The following PGM1 variants were observed in gnomAD, a reference collection of about 807,000 sequenced individuals.
PGM1 encodes phosphoglucomutase 1.
PGM1 carries 52 observed loss-of-function variants against 55.6 expected under a neutral mutation model. The observed-to-expected ratio is 0.94, with a 90% CI of 0.75 to 1.18. PGM1 has a LOEUF of 1.18. PGM1 is among the 50% of genes most tolerant of loss of function. PGM1 has a pLI of 0.00. For missense variants in PGM1, 724 were observed against 729.3 expected, an observed-to-expected ratio of 0.99 and a Z score of 0.08; for synonymous variants, 287 against 271.7, an observed-to-expected ratio of 1.06 and a Z score of -0.55.
Position 63,593,610 on chromosome 1 carries a change from A to G in PGM1, c.122A>G (p.Gln41Arg), listed in dbSNP as rs1300651770. 10 of 1,613,282 alleles carry G rather than the reference A, an allele frequency of 6.2e-6. No homozygotes were observed. The highest frequency in any genetic ancestry group is 2.2e-5 in the East Asian group (1 of 44,868). The change falls in exon 1 of 11, where the codon CAG becomes CGG. Residue 41 changes from glutamine to arginine, a missense_variant. Coordinates refer to ENST00000371084, the MANE Select transcript of PGM1 (RefSeq NM_002633.3). ...GCCAACTACGCGGAGAACTTCATCC[A>G]GAGTATCATCTCCACCGTGGAGCCG... is the stretch of plus-strand genomic sequence containing the variant. ...SSANYAENFIQSIISTVEPAQ... is the reference protein window; with the variant it reads ...SSANYAENFIRSIISTVEPAQ...
chr1:63,641,613 CA>C (rs770436089), intron 7 of PGM1, among the ~76,000 whole-genome samples: 16 of 152,158 alleles, frequency 1.1e-4, no homozygotes, highest in African/African-American at 1.7e-4. Flanking sequence ...GACAATTTCT[CA>C]AAAACGTTTC....
At chr1:63,627,912 G>C (rs775833175) in intron 1 of PGM1, among the ~76,000 whole-genome samples, 2 of 152,104 alleles carry the variant, frequency 1.3e-5, no homozygotes, top group African/African-American at 4.8e-5. Flanking sequence ...GAGTCAGGAC[G>C]TTTCAATACT....
Position 63,593,633 on chromosome 1 carries a change from C to T in PGM1, c.145C>T (p.Pro49Ser), listed in dbSNP as rs1275655261. 1 of 1,612,032 alleles carries T rather than the reference C, an allele frequency of 6.2e-7. No individual in the cohort carries two copies. The change falls in exon 1 of 11, where the codon CCG (proline) becomes TCG (serine). Residue 49 changes from proline (P) to serine (S), a missense_variant. Around this residue, in one of 3 missense-constraint regions of PGM1, gnomAD observed 379 missense variants for 357.5 expected, o/e 1.06. Coordinates refer to ENST00000371084, the MANE Select transcript of PGM1 (RefSeq NM_002633.3). ...CCAGAGTATCATCTCCACCGTGGAG[C>T]CGGCGCAGCGGCAGGAGGCCACGCT... The part of the protein sequence containing the change: ...FIQSIISTVE[P>S]AQRQEATLVV...
chr1:63,654,967 C>CTT (rs58711467), intron 10 of PGM1, among the ~76,000 whole-genome samples: 1,776 of 131,570 alleles, frequency 0.013, 53 homozygotes, highest in African/African-American at 0.048. Flanking sequence ...ATGAATCTCT[C>CTT]TTTTTTTTTT....
rs1004325271 is a variant in PGM1 at position 63,594,273 on chromosome 1, C to T, written c.246+539C>T. 7.6e-5 allele frequency: 24 copies of T among 314,124 alleles called. 2 individuals carry two copies. In the Admixed American group the frequency reaches 1.4e-3, roughly 19 times the overall value. 19.5% of individuals were successfully genotyped at this position (314,124 alleles called of 1,614,324 possible). A position where few individuals can be genotyped will look rare whatever the true frequency, so the allele number is the denominator to read the frequency against. On this transcript the variant is annotated intron_variant, in intron 1 of 10. Coordinates refer to ENST00000371084, the MANE Select transcript of PGM1 (RefSeq NM_002633.3). ...GTGGGGCAAGGGTGGCGAGAGCACC[C>T]ATCCCCCTGGGGCGTCAGGTTGGCA... is the stretch of plus-strand genomic sequence containing the variant.
chr1:63,621,949 C>G (rs1648888551), intron 1 of PGM1, among the ~76,000 whole-genome samples: 1 of 152,090 alleles, frequency 6.6e-6, no homozygotes, highest in Admixed American at 6.5e-5. Flanking sequence ...CAGTGCCTGT[C>G]TACTTTCGGA....
chr1:63,614,739 C>G (rs1648663967), intron 1 of PGM1, among the ~76,000 whole-genome samples: 1 of 152,148 alleles, frequency 6.6e-6, no homozygotes, highest in South Asian at 2.1e-4. Context: ...TGACCTCGGA[C>G]AGATGACATA....
chr1:63,651,078 A>G (rs1039052985), intron 8 of PGM1, among the ~76,000 whole-genome samples: 2 of 147,936 alleles, frequency 1.4e-5, no homozygotes, highest in African/African-American at 2.5e-5. Context: ...AAATTAATGA[A>G]AAAAAAAAAG....
intron 7 of PGM1, among the ~76,000 whole-genome samples, chr1:63,648,297 A>G (rs891846907): frequency 6.6e-6 from 1 of 152,144 alleles, no homozygotes; most frequent in Non-Finnish European, 1.5e-5. Context: ...TGAAGGGGGA[A>G]GTGCTATATA....
At chr1:63,630,166 G>A in intron 3 of PGM1, 78 bp downstream of exon 3, 4 of 1,368,360 alleles carry the variant, frequency 2.9e-6, no homozygotes, top group Non-Finnish European at 4.2e-6. Flanking sequence ...TTTAGTAGAG[G>A]GTCTTCAGCT....
At chr1:63,631,129 T>C (rs1649181488) in intron 3 of PGM1, among the ~76,000 whole-genome samples, 1 of 152,224 alleles carries the variant, frequency 6.6e-6, no homozygotes, top group Non-Finnish European at 1.5e-5. Flanking sequence ...ATAAGTTTTA[T>C]TTTTGTTTTA....
chr1:63,630,200 C>G (rs1649157964), intron 3 of PGM1, 112 bp downstream of exon 3: 4 of 1,089,596 alleles, frequency 3.7e-6, no homozygotes, highest in Non-Finnish European at 5.7e-6. Flanking sequence ...CGTGAGTGCT[C>G]TGTAAGCTTT....
intron 8 of PGM1, 102 bp downstream of exon 8, chr1:63,648,754 C>G (rs1338738820): frequency 4.0e-6 from 5 of 1,264,764 alleles, no homozygotes; most frequent in Middle Eastern, 5.2e-4. Context: ...TAATAAAACC[C>G]TAGGTCATCC....
chr1:63,646,309 T>C (rs1450109881), intron 7 of PGM1, among the ~76,000 whole-genome samples: 1 of 152,178 alleles, frequency 6.6e-6, no homozygotes, highest in Non-Finnish European at 1.5e-5. Flanking sequence ...AGGCTCCATG[T>C]AGACTGCTTT....
At chr1:63,625,842 G>A (rs566719337) in intron 1 of PGM1, among the ~76,000 whole-genome samples, 9 of 151,956 alleles carry the variant, frequency 5.9e-5, no homozygotes, top group South Asian at 2.1e-4. Flanking sequence ...AGATATTGAC[G>A]GGCCCCTTTT....
intron 1 of PGM1, among the ~76,000 whole-genome samples, chr1:63,595,761 A>G (rs1648046993): frequency 6.6e-6 from 1 of 152,346 alleles, no homozygotes; most frequent in Admixed American, 6.5e-5. Flanking sequence ...AGGAGCTTAC[A>G]GCAGAGTGGG....
At chr1:63,628,478 G>A (rs950574936) in intron 1 of PGM1, among the ~76,000 whole-genome samples, 2 of 152,204 alleles carry the variant, frequency 1.3e-5, no homozygotes, top group South Asian at 2.1e-4. Flanking sequence ...GGTATCTCAC[G>A]GACATTTTCA....
intron 1 of PGM1, among the ~76,000 whole-genome samples, chr1:63,627,592 T>TTCTA (rs1649066655): frequency 6.6e-6 from 1 of 152,118 alleles, no homozygotes; most frequent in Non-Finnish European, 1.5e-5. Context: ...GCTACCTTGC[T>TTCTA]TCTATCTCTC....
intron 1 of PGM1, among the ~76,000 whole-genome samples, chr1:63,625,446 G>T (rs990642193): frequency 6.6e-6 from 1 of 152,206 alleles, no homozygotes; most frequent in African/African-American, 2.4e-5. Flanking sequence ...TAGTGGACTG[G>T]ATAAAGCACT....
Sources: allele counts gnomAD v4.1 joint callset (sites outside exome capture counted in the v4.1 genomes callset), GRCh38; gene constraint gnomAD v4.1.1; regional missense constraint gnomAD v4.1.1; transcripts MANE v1.5; gene names NCBI Gene and HGNC (gene_info 2026-07-23, HGNC 2026-07-21).